The following SH3KBP1 variants were observed in gnomAD, a reference collection of about 807,000 sequenced individuals.
SH3KBP1 encodes the protein SH3 domain containing kinase binding protein 1.
Under a neutral mutation model 50.1 loss-of-function variants are expected in SH3KBP1, and 8 were observed. The observed-to-expected ratio is 0.16, with a 90% CI of 0.09 to 0.29. The LOEUF (loss-of-function observed/expected upper bound fraction) is 0.29. Ranked by LOEUF, SH3KBP1 falls within the 10% of genes least tolerant of loss-of-function variation. The probability of loss-of-function intolerance (pLI) is 1.00; values close to 1 mark genes in which losing one functional copy is unlikely to be tolerated. For missense variants in SH3KBP1, 377 were observed against 535.2 expected (o/e 0.70, Z 2.92); for synonymous variants, 227 against 218.6 (o/e 1.04, Z -0.34).
At chrX:19,878,329 G>A (rs907494069) in intron 1 of SH3KBP1, among the ~76,000 whole-genome samples, 5 of 98,956 alleles carry the variant, frequency 5.1e-5, no homozygotes, top group African/African-American at 1.6e-4. Context: ...CTTGAGACAC[G>A]GTCTCACTCT....
chrX:19,826,084 G>C (rs1430063202), intron 2 of SH3KBP1, among the ~76,000 whole-genome samples: 1 of 111,975 alleles, frequency 8.9e-6, no homozygotes, highest in Non-Finnish European at 1.9e-5. Flanking sequence ...GCTAACTGTA[G>C]GTTCATTTAG....
Position 19,551,517 on chromosome X carries a change from A to T in SH3KBP1, c.1385-1434T>A, listed in dbSNP as rs183223454. On this transcript the variant is annotated intron_variant, in intron 13 of 17. Transcript: ENST00000397821. ...CCTTTAAGAGAACCTTATTATTATTATTATTTTCTTTCTTTTCTTTCCCTC... is the reference window on the plus strand; with the variant it reads ...CCTTTAAGAGAACCTTATTATTATTTTTATTTTCTTTCTTTTCTTTCCCTC... Among the ~76,000 whole-genome samples the T allele has an allele frequency of 3.1e-3, 309 of 100,283 alleles. 2 individuals are homozygous for T. The highest frequency in any genetic ancestry group is 0.011 in the African/African-American group (275 of 24,701). The allele number at this position is 100,283 out of a possible 115,157, so 87.1% of individuals were successfully genotyped here.
chrX:19,817,737 C>T (rs761244390), intron 2 of SH3KBP1, among the ~76,000 whole-genome samples: 2 of 111,397 alleles, frequency 1.8e-5, no homozygotes, highest in East Asian at 5.6e-4. Flanking sequence ...CAGGTTCAAG[C>T]GATTATCGTG....
chrX:19,701,799 C>CAAT lies in SH3KBP1; in HGVS notation c.390+5081_390+5082insATT, dbSNP rs1367737198. 4.5e-5 allele frequency among the ~76,000 whole-genome samples: 5 copies of CAAT among 112,222 alleles called. No individual in the cohort carries two copies. In the Admixed American group the frequency reaches 4.7e-4, roughly 11 times the overall value. On this transcript the variant is annotated intron_variant, in intron 4 of 17. Transcript: ENST00000397821. ...GGGACAGGTTCTGTTCAATCAATCC[C>CAAT]CAAATCTCAATAAACACAGTTTCTC...
chrX:19,689,808 A>C (rs758743652), intron 5 of SH3KBP1, among the ~76,000 whole-genome samples: 1 of 112,210 alleles, frequency 8.9e-6, no homozygotes, highest in East Asian at 2.8e-4. Context: ...TGAAACTATC[A>C]CATCAATTTG....
intron 5 of SH3KBP1, among the ~76,000 whole-genome samples, chrX:19,691,251 G>A (rs1360623741): frequency 1.9e-5 from 2 of 106,807 alleles, no homozygotes; most frequent in African/African-American, 6.8e-5. Flanking sequence ...GAGCCTCCAA[G>A]TGGATTATCC....
chrX:19,558,857 C>T (rs1018625471), intron 13 of SH3KBP1, among the ~76,000 whole-genome samples: 2 of 111,831 alleles, frequency 1.8e-5, no homozygotes, highest in East Asian at 5.6e-4. Context: ...TTCCCTCAAA[C>T]ACTTCATGTG....
At chrX:19,857,752 G>A (rs1041727814) in intron 1 of SH3KBP1, among the ~76,000 whole-genome samples, 3 of 110,952 alleles carry the variant, frequency 2.7e-5, no homozygotes, top group East Asian at 2.8e-4. Flanking sequence ...AAACACCTGC[G>A]TAAACAGAAT....
chrX:19,689,342 A>C (rs1403301150), intron 5 of SH3KBP1, among the ~76,000 whole-genome samples: 1 of 112,155 alleles, frequency 8.9e-6, no homozygotes, highest in Non-Finnish European at 1.9e-5. Flanking sequence ...TAGGCCCTCC[A>C]AAAGTTAACA....
chrX:19,777,786 A>G (rs2066026879), intron 2 of SH3KBP1, among the ~76,000 whole-genome samples: 1 of 111,705 alleles, frequency 9.0e-6, no homozygotes, highest in African/African-American at 3.3e-5. Flanking sequence ...CCACACCAGC[A>G]GCATCACCAG....
Position 19,774,799 on chromosome X carries a change from C to T in SH3KBP1, c.163-28358G>A, listed in dbSNP as rs1314949470. 2.7e-5 allele frequency among the ~76,000 whole-genome samples: 3 copies of T among 111,023 alleles called. No individual in the cohort carries two copies. In the South Asian group the frequency reaches 1.1e-3, roughly 42 times the overall value. On this transcript the variant is annotated intron_variant, in intron 2 of 17. Coordinates refer to ENST00000397821, the MANE Select transcript of SH3KBP1 (RefSeq NM_031892.3). ...TTTATTAACACATAGAAAAATGAAT[C>T]CTCAGCTTTACATTTTAAAAATTAT...
At chrX:19,794,709 TAAATA>T (rs909106421) in intron 2 of SH3KBP1, among the ~76,000 whole-genome samples, 3 of 110,947 alleles carry the variant, frequency 2.7e-5, no homozygotes, top group African/African-American at 9.8e-5. Context: ...TCTCAAAAAA[TAAATA>T]AAATAAAATA....
intron 4 of SH3KBP1, among the ~76,000 whole-genome samples, chrX:19,703,710 G>C (rs2063582391): frequency 1.2e-5 from 1 of 84,553 alleles, no homozygotes; most frequent in Admixed American, 1.3e-4. Flanking sequence ...GTGTGTGTGT[G>C]TGTGTGTGTG....
At chrX:19,663,099 T>C (rs2062503081) in intron 6 of SH3KBP1, among the ~76,000 whole-genome samples, 1 of 111,436 alleles carries the variant, frequency 9.0e-6, no homozygotes, top group African/African-American at 3.3e-5. Context: ...GAATAAATGG[T>C]AAGTCTTTCA....
At chrX:19,753,211 C>G (rs1004999193) in intron 2 of SH3KBP1, among the ~76,000 whole-genome samples, 1 of 111,626 alleles carries the variant, frequency 9.0e-6, no homozygotes. Context: ...GGAAGCAGGG[C>G]AGGGGAAACA....
chrX:19,618,281 G>A (rs2067679564), intron 8 of SH3KBP1, among the ~76,000 whole-genome samples: 1 of 108,132 alleles, frequency 9.2e-6, no homozygotes, highest in African/African-American at 3.4e-5. Flanking sequence ...CTACTCAGAA[G>A]GCTGAGGTAG....
At chrX:19,749,320 C>T (rs924574739) in intron 2 of SH3KBP1, among the ~76,000 whole-genome samples, 1 of 112,424 alleles carries the variant, frequency 8.9e-6, no homozygotes, top group African/African-American at 3.2e-5. Context: ...GCAGGGACCC[C>T]AGCAGAATTG....
chrX:19,565,888 C>T (rs1014994409), intron 13 of SH3KBP1, among the ~76,000 whole-genome samples: 3 of 109,048 alleles, frequency 2.8e-5, no homozygotes, highest in Non-Finnish European at 5.7e-5. Flanking sequence ...CCTAAGGGGA[C>T]GTTTTACATT....
chrX:19,705,080 A>G (rs1266706506), intron 4 of SH3KBP1, among the ~76,000 whole-genome samples: 2 of 111,868 alleles, frequency 1.8e-5, no homozygotes, highest in East Asian at 5.6e-4. Context: ...TAACCACTAA[A>G]TATTTTCTTA....
Sources: gnomAD v4.1 joint callset for allele counts (sites outside exome capture counted in the v4.1 genomes callset) on GRCh38, gnomAD v4.1.1 for gene constraint, MANE v1.5 for transcripts, NCBI Gene and HGNC (gene_info 2026-07-23, HGNC 2026-07-21) for gene names.